Variants in CENPL observed in about 807,000 individuals in gnomAD.
The protein encoded by CENPL is interphase centromere complex protein 33.
In CENPL, 20 loss-of-function variants were observed where a neutral mutation model predicts 35.2. The ratio of observed to expected loss-of-function variants is 0.57; its 90% CI spans 0.40 to 0.83. CENPL has a LOEUF of 0.83. CENPL is among the 40% of genes least tolerant of loss of function. The pLI is 0.00. For synonymous variants in CENPL, 140 were observed against 140.6 expected (o/e 1.00, Z 0.03); for missense variants, 363 against 395.8 (o/e 0.92, Z 0.70).
intron 2 of CENPL, 130 bp from the exon 3 acceptor site, chr1:173,811,436 G>T: frequency 1.6e-6 from 1 of 628,342 alleles, no homozygotes; most frequent in Non-Finnish European, 2.6e-6. Flanking sequence ...CCCCAGTTTT[G>T]ACTTTTAAAC....
At chr1:173,823,722 A>G (rs1033275765) in intron 2 of CENPL, 1 of 152,202 alleles carries the variant, frequency 6.6e-6, no homozygotes, top group Non-Finnish European at 1.5e-5. Context: ...TCTTGTGATT[A>G]GTCCGTGAAG....
At chr1:173,807,654 G>A (rs1650358782) in intron 3 of CENPL, 136 bp from the exon 4 acceptor site, 1 of 642,654 alleles carries the variant, frequency 1.6e-6, no homozygotes, top group Non-Finnish European at 2.5e-6. Context: ...GAGTTTGCAG[G>A]ACTTTTTGCA....
chr1:173,813,539 G>T (rs958593398), intron 2 of CENPL, among the ~76,000 whole-genome samples: 1 of 152,154 alleles, frequency 6.6e-6, no homozygotes, highest in African/African-American at 2.4e-5. Flanking sequence ...TTAAAGAAAA[G>T]AATTTTCAAC....
intron 2 of CENPL, among the ~76,000 whole-genome samples, chr1:173,820,206 A>G (rs1407088045): frequency 6.6e-6 from 1 of 152,170 alleles, no homozygotes; most frequent in Non-Finnish European, 1.5e-5. Context: ...TCAGTGCTCA[A>G]AAAGATTCAC....
chr1:173,801,033 T>A (rs541754404), intron 5 of CENPL, among the ~76,000 whole-genome samples: 5 of 152,324 alleles, frequency 3.3e-5, no homozygotes, highest in African/African-American at 9.6e-5. Flanking sequence ...ATCAAAATTA[T>A]TTCCCAACCT....
chr1:173,816,238 C>T (rs1261341133), intron 2 of CENPL, among the ~76,000 whole-genome samples: 9 of 151,954 alleles, frequency 5.9e-5, no homozygotes, highest in Non-Finnish European at 1.2e-4. Flanking sequence ...GAATCAATAT[C>T]GTGAAAATGG....
intron 3 of CENPL, among the ~76,000 whole-genome samples, chr1:173,809,169 G>C (rs1044941868): frequency 2.0e-5 from 3 of 151,636 alleles, no homozygotes; most frequent in Non-Finnish European, 2.9e-5. Flanking sequence ...GGTGAAACCC[G>C]GTCTCTACTA....
intron 2 of CENPL, among the ~76,000 whole-genome samples, chr1:173,818,793 T>C (rs1468863854): frequency 6.6e-6 from 1 of 152,232 alleles, no homozygotes; most frequent in Non-Finnish European, 1.5e-5. Context: ...TTTTTCAGTG[T>C]GTATTTCTTG....
chr1:173,806,993 T>C (rs1237673949), intron 4 of CENPL, among the ~76,000 whole-genome samples: 1 of 152,166 alleles, frequency 6.6e-6, no homozygotes, highest in African/African-American at 2.4e-5. Context: ...AAAAATATCA[T>C]AATGTAAAAG....
chr1:173,811,771 G>T (rs1368156345), intron 2 of CENPL, among the ~76,000 whole-genome samples: 4 of 152,240 alleles, frequency 2.6e-5, no homozygotes, highest in Non-Finnish European at 5.9e-5. Context: ...GGTGATTTCT[G>T]CATTTCCAAC....
intron 5 of CENPL, among the ~76,000 whole-genome samples, chr1:173,802,315 C>T (rs1467774323): frequency 6.6e-6 from 1 of 152,096 alleles, no homozygotes; most frequent in Non-Finnish European, 1.5e-5. Context: ...ACACCATTCT[C>T]CTGCCTCAGC....
rs1649895568 is a variant in CENPL at position 173,803,037 on chromosome 1, T to C, written c.889A>G (p.Ile297Val). The change falls in exon 5 of 6, where the codon ATT (isoleucine) becomes GTT (valine). Residue 297 changes from isoleucine (I) to valine (V), a missense_variant. Physicochemically the swap from Ile to Val is conservative, Grantham distance 29 (BLOSUM62 3). Transcript: ENST00000682279. ...ACTAATCTTGTGGCTGATAAATGAA[T>C]TTTGAAATGTCTATGGAAATGTGAA... ...LYSHFHRHFK[I>V]HLSATRLVRV... 6.2e-7 allele frequency: 1 copy of C among 1,613,746 alleles called. No individual in the cohort carries two copies. Among genetic ancestry groups the C allele is most frequent in the Admixed American group, 1.7e-5 (1 of 59,998 alleles).
intron 3 of CENPL, 65 bp from the exon 4 acceptor site, chr1:173,807,583 C>T (rs1650353202): frequency 7.9e-7 from 1 of 1,261,226 alleles, no homozygotes; most frequent in South Asian, 1.7e-5. Flanking sequence ...TTAATCATAG[C>T]ATTTAAAACA....
rs1323541506 is a variant in CENPL at position 173,806,416 on chromosome 1, T to C, written c.420+851A>G. On this transcript the variant is annotated intron_variant, in intron 4 of 5. Transcript: ENST00000682279. ...ACCTGGGCAACATGGCGAGACCCTG[T>C]CTACAAAAAATACAAAATTTACCCG... 1.6e-5 allele frequency: 7 copies of C among 444,936 alleles called. No homozygotes were observed. The East Asian group carries it at 5.3e-4, about 34-fold the overall frequency. 27.6% of individuals were successfully genotyped at this position (444,936 alleles called of 1,614,324 possible).
At chr1:173,805,948 T>C (rs1464155335) in intron 4 of CENPL, among the ~76,000 whole-genome samples, 1 of 152,204 alleles carries the variant, frequency 6.6e-6, no homozygotes, top group Non-Finnish European at 1.5e-5. Flanking sequence ...TACCATGACC[T>C]ATATCAGGGG....
chr1:173,824,100 T>C (rs1310469370), intron 1 of CENPL, 81 bp from the exon 2 acceptor site: 1 of 150,788 alleles, frequency 6.6e-6, no homozygotes, highest in Middle Eastern at 3.2e-3. Context: ...AAATTCCCTC[T>C]CGCTCCACAA....
chr1:173,806,539 G>A (rs1278810110), intron 4 of CENPL: 3 of 429,748 alleles, frequency 7.0e-6, no homozygotes, highest in African/African-American at 2.1e-5. Context: ...AACCAAGATC[G>A]TGCCACTGTA....
chr1:173,803,677 CTT>C (rs141936109), intron 4 of CENPL, among the ~76,000 whole-genome samples, 172 bp from the exon 5 acceptor site: 11 of 145,902 alleles, frequency 7.5e-5, no homozygotes, highest in Admixed American at 1.4e-4. Context: ...AATAATTGGC[CTT>C]TTTTTTTTTT....
intron 2 of CENPL, among the ~76,000 whole-genome samples, chr1:173,818,689 A>C (rs1651650076): frequency 6.6e-6 from 1 of 152,170 alleles, no homozygotes; most frequent in African/African-American, 2.4e-5. Flanking sequence ...ATGTTCTACA[A>C]AATCCTTGGA....
Sources: allele counts gnomAD v4.1 joint callset (sites outside exome capture counted in the v4.1 genomes callset), GRCh38; gene constraint gnomAD v4.1.1; transcripts MANE v1.5; gene names NCBI Gene and HGNC (gene_info 2026-07-23, HGNC 2026-07-21).